The following VPS8 variants were observed in gnomAD, a reference collection of about 807,000 sequenced individuals.
The protein encoded by VPS8 is vacuolar protein sorting-associated protein 8 homolog.
Under a neutral mutation model 216.4 loss-of-function variants are expected in VPS8, and 129 were observed. The ratio of observed to expected loss-of-function variants is 0.60; its 90% CI spans 0.52 to 0.69. The LOEUF is 0.69. Among genes scored for constraint, VPS8 ranks in the 30% least tolerant of loss-of-function variants. VPS8 has a pLI of 0.00. For synonymous variants in VPS8, 571 were observed against 565.4 expected (o/e 1.01, Z -0.14); for missense variants, 1,531 against 1,683.5 (o/e 0.91, Z 1.59).
chr3:184,953,451 TG>T (rs1250212364), intron 36 of VPS8, among the ~76,000 whole-genome samples: 1 of 152,072 alleles, frequency 6.6e-6, no homozygotes, highest in East Asian at 1.9e-4. Context: ...CCTGAGAACT[TG>T]GGGTCAGCAG....
At chr3:184,969,835 G>T (rs1748102953) in intron 39 of VPS8, among the ~76,000 whole-genome samples, 1 of 150,656 alleles carries the variant, frequency 6.6e-6, no homozygotes, top group Non-Finnish European at 1.5e-5. Flanking sequence ...GCAAAGGCCA[G>T]TGTTTTGAAT....
intron 45 of VPS8, among the ~76,000 whole-genome samples, chr3:185,014,459 G>A (rs902691569): frequency 3.3e-5 from 5 of 152,082 alleles, no homozygotes; most frequent in South Asian, 4.1e-4. Context: ...CTGTTGATTC[G>A]GTCCTGGAGA....
chr3:185,017,805 A>G (rs1436792653), intron 45 of VPS8, among the ~76,000 whole-genome samples: 1 of 152,088 alleles, frequency 6.6e-6, no homozygotes, highest in Non-Finnish European at 1.5e-5. Context: ...CCTGAGCCGG[A>G]AAGGTCCCGG....
chr3:184,838,776 GT>G, intron 6 of VPS8, 30 bp downstream of exon 6: 1 of 1,514,856 alleles, frequency 6.6e-7, no homozygotes, highest in Non-Finnish European at 8.9e-7. Context: ...TTAAAGGTAA[GT>G]TTTCTATTTG....
At chr3:185,006,648 C>T (rs1376252935) in intron 45 of VPS8, among the ~76,000 whole-genome samples, 1 of 152,152 alleles carries the variant, frequency 6.6e-6, no homozygotes, top group Non-Finnish European at 1.5e-5. Context: ...ACTTTGCCCC[C>T]TTAATTTCCT....
intron 46 of VPS8, among the ~76,000 whole-genome samples, chr3:185,045,740 C>G (rs1197229055): frequency 1.6e-5 from 2 of 127,114 alleles, no homozygotes; most frequent in Admixed American, 9.0e-5. Context: ...GCACTCCAGC[C>G]TGGGTGACAG....
At chr3:185,019,328 C>T (rs192497571) in intron 45 of VPS8, among the ~76,000 whole-genome samples, 3 of 151,824 alleles carry the variant, frequency 2.0e-5, no homozygotes, top group East Asian at 1.9e-4. Flanking sequence ...CCTAACCCAG[C>T]GGCACTAGAG....
At chr3:184,907,493 T>C (rs764286570) in intron 25 of VPS8, among the ~76,000 whole-genome samples, 1 of 152,218 alleles carries the variant, frequency 6.6e-6, no homozygotes, top group Non-Finnish European at 1.5e-5. Flanking sequence ...AGTTCCCAGC[T>C]TGAGTTTTCC....
Position 184,964,497 on chromosome 3 carries a change from C to A in VPS8, c.3213C>A (p.Val1071=). ...CTCAGAAGTATCAACTTCATGAAGTCACCGCTTATCTATTGGAAAAGAAAG... is the reference window on the plus strand; with the variant it reads ...CTCAGAAGTATCAACTTCATGAAGTAACCGCTTATCTATTGGAAAAGAAAG... The part of the protein sequence containing the change: ...QITQKYQLHE[V]TAYLLEKKGD... Residue 1071 remains valine, a synonymous_variant, in exon 38 of 48, where the codon GTC becomes GTA. Coordinates refer to ENST00000625842, the MANE Select transcript of VPS8 (RefSeq NM_001009921.3). The A allele has an allele frequency of 6.6e-7, 1 of 1,516,020 alleles. No homozygotes were observed. Among genetic ancestry groups the A allele is most frequent in the Non-Finnish European group, 8.9e-7 (1 of 1,126,564 alleles). 93.9% of individuals were successfully genotyped at this position (1,516,020 alleles called of 1,614,324 possible).
At chr3:184,924,789 T>A in intron 29 of VPS8, 73 bp from the exon 30 acceptor site, 1 of 1,447,658 alleles carries the variant, frequency 6.9e-7, no homozygotes, top group Non-Finnish European at 9.0e-7. Flanking sequence ...CTATCCCGTC[T>A]TCTAATTGTA....
At chr3:184,817,781 C>T (rs867059569) in intron 1 of VPS8, among the ~76,000 whole-genome samples, 1 of 152,198 alleles carries the variant, frequency 6.6e-6, no homozygotes, top group Non-Finnish European at 1.5e-5. Context: ...GAATGTCTAC[C>T]TAGCTGTGCA....
At chr3:185,050,448 C>T (rs1345006034) in intron 47 of VPS8, among the ~76,000 whole-genome samples, 3 of 152,032 alleles carry the variant, frequency 2.0e-5, no homozygotes, top group Non-Finnish European at 4.4e-5. Context: ...TCCCAGTTAC[C>T]ACAGCCACTG....
intron 22 of VPS8, chr3:184,893,094 T>C (rs1397849610): frequency 4.6e-6 from 1 of 216,984 alleles, no homozygotes; most frequent in Non-Finnish European, 8.2e-6. Context: ...AAAAATGATG[T>C]AAAATTACAT....
rs561493196 is a variant in VPS8, at chr3:184,925,069, CTA to C, written c.2574+90_2574+91del. On this transcript the variant is annotated intron_variant, in intron 30 of 47. Transcript: ENST00000625842. ...TTACACTGTTTCCTGATGTGACAGACTATTGGGTAAATACCTTATCAAGGAGA... is the reference window on the plus strand; with the variant it reads ...TTACACTGTTTCCTGATGTGACAGACTTGGGTAAATACCTTATCAAGGAGA... The C allele has an allele frequency of 2.0e-5, 30 of 1,484,362 alleles. No homozygotes were observed. In the Admixed American group the frequency reaches 5.6e-4, roughly 28 times the overall value. 91.9% of individuals were successfully genotyped at this position (1,484,362 alleles called of 1,614,324 possible).
Position 184,849,064 on chromosome 3 carries a change from T to C in VPS8, c.542-7T>C. On this transcript the variant is annotated splice_polypyrimidine_tract_variant and splice_region_variant and intron_variant, in intron 8 of 47. Coordinates refer to ENST00000625842, the MANE Select transcript of VPS8 (RefSeq NM_001009921.3). ...CTTCACTTGACTTTAAAAACTGCTTTCTTTAGATCAGAATCAAGCTTTGCG... is the reference window on the plus strand; with the variant it reads ...CTTCACTTGACTTTAAAAACTGCTTCCTTTAGATCAGAATCAAGCTTTGCG... 6.2e-7 allele frequency: 1 copy of C among 1,612,624 alleles called. No homozygotes were observed.
At chr3:184,872,376 C>T (rs965200610) in intron 21 of VPS8, among the ~76,000 whole-genome samples, 1 of 152,034 alleles carries the variant, frequency 6.6e-6, no homozygotes, top group Non-Finnish European at 1.5e-5. Context: ...AGGTGACGTT[C>T]TGATGGAGAA....
At chr3:185,048,418 G>A in intron 46 of VPS8, 61 bp from the exon 47 acceptor site, 1 of 1,521,308 alleles carries the variant, frequency 6.6e-7, no homozygotes, top group South Asian at 1.1e-5. Flanking sequence ...ATCGTGTAGA[G>A]CAAGTTGAGA....
intron 36 of VPS8, among the ~76,000 whole-genome samples, chr3:184,952,840 G>A (rs1420533397): frequency 6.6e-6 from 1 of 152,216 alleles, no homozygotes; most frequent in Non-Finnish European, 1.5e-5. Context: ...GTTTAGGAAA[G>A]GATGTGTTGT....
chr3:184,858,427 C>T (rs776936874), intron 14 of VPS8, among the ~76,000 whole-genome samples: 1 of 152,172 alleles, frequency 6.6e-6, no homozygotes, highest in Admixed American at 6.5e-5. Context: ...TATAGTCCAT[C>T]CTAAAGAACT....
Sources: allele counts gnomAD v4.1 joint callset (sites outside exome capture counted in the v4.1 genomes callset), GRCh38; gene constraint gnomAD v4.1.1; transcripts MANE v1.5; gene names NCBI Gene and HGNC (gene_info 2026-07-23, HGNC 2026-07-21).